GNG2: variants seen among roughly 807,000 people sequenced by gnomAD.
GNG2 encodes guanine nucleotide-binding protein G(I)/G(S)/G(O) subunit gamma-2.
A neutral mutation model predicts 5.5 loss-of-function variants in GNG2; 5 were observed. That is an observed-to-expected ratio of 0.91 (90% CI 0.48 to 1.92). The LOEUF is 1.92. GNG2 is among the 30% of genes most tolerant of loss of function. GNG2 has a pLI of 0.01. For missense variants in GNG2, 55 were observed against 88.4 expected (o/e 0.62, Z 1.52); for synonymous variants, 28 against 32.0 (o/e 0.88, Z 0.42).
chr14:51,914,922 C>T (rs960522733), intron 2 of GNG2, among the ~76,000 whole-genome samples: 1 of 152,180 alleles, frequency 6.6e-6, no homozygotes, highest in Non-Finnish European at 1.5e-5. Flanking sequence ...ACATGCCCTG[C>T]CATCATGCCT....
chr14:51,946,936 A>G (rs1888677108), intron 2 of GNG2, among the ~76,000 whole-genome samples: 2 of 151,856 alleles, frequency 1.3e-5, no homozygotes, highest in South Asian at 2.1e-4. Context: ...GCTGGATGTG[A>G]AAAAAAAGGG....
chr14:51,903,960 T>C (rs1014080944), intron 2 of GNG2, among the ~76,000 whole-genome samples: 2 of 152,218 alleles, frequency 1.3e-5, no homozygotes, highest in Non-Finnish European at 2.9e-5. Flanking sequence ...ATAAAAGCAG[T>C]AGTCAGCAGC....
At chr14:51,876,734 C>T (rs1289739599) in intron 1 of GNG2, among the ~76,000 whole-genome samples, 1 of 152,006 alleles carries the variant, frequency 6.6e-6, no homozygotes, top group African/African-American at 2.4e-5. Flanking sequence ...GAGATTGTAG[C>T]ACACAGGCCA....
At chr14:51,873,972 C>G (rs1200063083) in intron 1 of GNG2, 2 of 152,294 alleles carry the variant, frequency 1.3e-5, no homozygotes, top group East Asian at 1.9e-4. Context: ...TCTGCCAAAT[C>G]TATTACTACT....
Position 51,950,765 on chromosome 14 carries a change from G to A in GNG2, c.87G>A (p.Lys29=). ...TGGAAGCCAATATCGACAGGATAAA[G>A]GTGAGGATGGTCTAACCCCACACTT... The part of the protein sequence containing the change: ...LKMEANIDRI[K]VSKAAADLMA... The change falls in exon 3 of 4, where the codon AAG becomes AAA. Residue 29 remains lysine (K), a splice_region_variant and synonymous_variant. Coordinates refer to ENST00000556766, the MANE Select transcript of GNG2 (RefSeq NM_053064.5). 6.3e-7 allele frequency: 1 copy of A among 1,589,306 alleles called. No individual in the cohort carries two copies.
At chr14:51,934,811 A>T (rs1397589208) in intron 2 of GNG2, among the ~76,000 whole-genome samples, 1 of 120,888 alleles carries the variant, frequency 8.3e-6, no homozygotes, top group Non-Finnish European at 1.8e-5. Flanking sequence ...TATAAAAAAG[A>T]GCTGTCCTCT....
intron 2 of GNG2, among the ~76,000 whole-genome samples, chr14:51,927,170 G>A (rs1887380261): frequency 1.6e-4 from 1 of 6,368 alleles, no homozygotes; most frequent in Non-Finnish European, 4.1e-4. Context: ...CAGGTCTTTT[G>A]AGGTCTCCTG....
chr14:51,933,764 G>A (rs1490006030), intron 2 of GNG2, among the ~76,000 whole-genome samples: 1 of 152,214 alleles, frequency 6.6e-6, no homozygotes, highest in Non-Finnish European at 1.5e-5. Context: ...ATGCAGGTAA[G>A]TTGGTCATGG....
intron 2 of GNG2, among the ~76,000 whole-genome samples, chr14:51,911,331 C>T (rs572418904): frequency 6.6e-6 from 1 of 152,200 alleles, no homozygotes; most frequent in East Asian, 1.9e-4. Context: ...TTATCAAGGC[C>T]TATGAGAATG....
chr14:51,863,354 AGTT>A (rs1009896652), intron 1 of GNG2, among the ~76,000 whole-genome samples: 69 of 152,216 alleles, frequency 4.5e-4, no homozygotes, highest in African/African-American at 1.6e-3. Flanking sequence ...ACATAATCAA[AGTT>A]GTTGTTTTGC....
chr14:51,937,669 A>G (rs1185515895), intron 2 of GNG2, among the ~76,000 whole-genome samples: 2 of 117,926 alleles, frequency 1.7e-5, no homozygotes, highest in Non-Finnish European at 3.1e-5. Context: ...GTACATGTGC[A>G]CATTGTGCAG....
intron 3 of GNG2, among the ~76,000 whole-genome samples, chr14:51,954,521 T>G (rs1255864614): frequency 6.6e-6 from 1 of 152,202 alleles, no homozygotes; most frequent in African/African-American, 2.4e-5. Flanking sequence ...TTAGGACTCT[T>G]TGAGTTTCTA....
At chr14:51,854,486 G>A (rs1011014843) in intron 2 of GNG2, among the ~76,000 whole-genome samples, 1 of 151,890 alleles carries the variant, frequency 6.6e-6, no homozygotes, top group African/African-American at 2.4e-5. Context: ...AGGCCTCCAT[G>A]GCTCTTTTTT....
rs10529707 is a variant in GNG2 at position 51,875,947 on chromosome 14, C to CTTTTTTTTTTTCT, written c.-70-1664_-70-1663insTTTTTCTTTTTTT. 6.9e-4 allele frequency among the ~76,000 whole-genome samples: 98 copies of CTTTTTTTTTTTCT among 141,158 alleles called. 1 individual carries two copies. Among genetic ancestry groups the CTTTTTTTTTTTCT allele is most frequent in the African/African-American group, 2.6e-3 (96 of 37,518 alleles). 92.6% of individuals were successfully genotyped at this position (141,158 alleles called of 152,430 possible). A position where few individuals can be genotyped will look rare whatever the true frequency, so the allele number is the denominator to read the frequency against. On this transcript the variant is annotated intron_variant, in intron 1 of 3. Transcript: ENST00000556766. ...TTTTTCATCATTTAAACATTTTTTTCTTTTTTCCGAGACAGACTCTCACTC... is the reference window on the plus strand; with the variant it reads ...TTTTTCATCATTTAAACATTTTTTTCTTTTTTTTTTTCTTTTTTTCCGAGACAGACTCTCACTC...
At chr14:51,954,668 C>G (rs17124774) in intron 3 of GNG2, among the ~76,000 whole-genome samples, 1 of 152,076 alleles carries the variant, frequency 6.6e-6, no homozygotes, top group African/African-American at 2.4e-5. Context: ...TTGAGAACTG[C>G]GAGTGCTCCG....
intron 2 of GNG2, among the ~76,000 whole-genome samples, chr14:51,934,774 C>T (rs1285094428): frequency 1.3e-5 from 2 of 152,138 alleles, no homozygotes; most frequent in African/African-American, 2.4e-5. Flanking sequence ...TCTTTCCCTT[C>T]ACATTTTCAT....
intron 2 of GNG2, among the ~76,000 whole-genome samples, chr14:51,849,354 A>G (rs1418983359): frequency 3.3e-5 from 5 of 152,206 alleles, no homozygotes; most frequent in Admixed American, 2.6e-4. Context: ...AAAATCACAC[A>G]TTGTCACTTC....
intron 2 of GNG2, among the ~76,000 whole-genome samples, chr14:51,914,506 C>T (rs1253686): frequency 0.88 from 134,283 of 152,230 alleles, 59,744 homozygotes; most frequent in Non-Finnish European, 0.96. Flanking sequence ...TGTAGAATTA[C>T]CTAATAGTAA....
intron 2 of GNG2, among the ~76,000 whole-genome samples, chr14:51,918,062 A>G (rs991284616): frequency 1.3e-4 from 19 of 151,958 alleles, no homozygotes; most frequent in Admixed American, 9.2e-4. Flanking sequence ...AAACTGATAA[A>G]GAAGCCTCAC....
Sources: allele counts gnomAD v4.1 joint callset (sites outside exome capture counted in the v4.1 genomes callset), GRCh38; gene constraint gnomAD v4.1.1; transcripts MANE v1.5; gene names NCBI Gene and HGNC (gene_info 2026-07-23, HGNC 2026-07-21).